The following CCR5AS variants were observed in gnomAD, a reference collection of about 807,000 sequenced individuals.
CCR5AS encodes the protein CCR5 antisense RNA.
At chr3:46,393,471 G>GAAAAAAAAAAAAAAA (rs1241092845) in intron 1 of CCR5AS, among the ~76,000 whole-genome samples, 1 of 115,062 alleles carries the variant, frequency 8.7e-6, no homozygotes, top group Non-Finnish European at 1.8e-5. Context: ...AAAAAAAAAA[G>GAAAAAAAAAAAAAAA]AAAAGAAAAG....
At chr3:46,369,256 T>A (rs1164619448) in intron 3 of CCR5AS, among the ~76,000 whole-genome samples, 1 of 152,148 alleles carries the variant, frequency 6.6e-6, no homozygotes, top group Non-Finnish European at 1.5e-5. Context: ...AATAATTTGG[T>A]CAGAGCCAAG....
intron 2 of CCR5AS, among the ~76,000 whole-genome samples, chr3:46,377,361 C>G (rs1701772134): frequency 6.6e-6 from 1 of 152,068 alleles, no homozygotes; most frequent in Non-Finnish European, 1.5e-5. Context: ...CTGTCTCCAC[C>G]CAGAGGTCTC....
intron 2 of CCR5AS, chr3:46,374,160 C>T (rs1701719729): frequency 2.4e-6 from 1 of 414,886 alleles, no homozygotes; most frequent in African/African-American, 2.1e-5. Context: ...TATAGAAAGC[C>T]AAATCAAAAT....
intron 3 of CCR5AS, among the ~76,000 whole-genome samples, chr3:46,367,353 A>T (rs1433748914): frequency 6.9e-6 from 1 of 144,948 alleles, no homozygotes; most frequent in Non-Finnish European, 1.5e-5. Flanking sequence ...TGTCTACACT[A>T]TAATCTTTAG....
chr3:46,392,535 T>C (rs1701922269), intron 2 of CCR5AS, among the ~76,000 whole-genome samples: 1 of 152,098 alleles, frequency 6.6e-6, no homozygotes, highest in African/African-American at 2.4e-5. Flanking sequence ...GTCCCAGCAA[T>C]TGACTTACCA....
intron 3 of CCR5AS, among the ~76,000 whole-genome samples, chr3:46,366,085 T>C (rs1040823812): frequency 4.6e-5 from 7 of 152,194 alleles, no homozygotes; most frequent in Non-Finnish European, 1.0e-4. Context: ...CTACAATCCA[T>C]TCATTATCCT....
chr3:46,394,010 T>G (rs1381852507), intron 1 of CCR5AS, among the ~76,000 whole-genome samples: 1 of 152,224 alleles, frequency 6.6e-6, no homozygotes, highest in Non-Finnish European at 1.5e-5. Flanking sequence ...GGATTCCTTT[T>G]CTGTTCAGTG....
At chr3:46,398,308 T>C (rs899013599) in intron 1 of CCR5AS, among the ~76,000 whole-genome samples, 3 of 152,090 alleles carry the variant, frequency 2.0e-5, no homozygotes, top group Admixed American at 6.5e-5. Flanking sequence ...CTTCAAGCCA[T>C]GAAAAGCTAC....
intron 2 of CCR5AS, among the ~76,000 whole-genome samples, chr3:46,384,760 G>T (rs1701843634): frequency 6.6e-6 from 1 of 152,128 alleles, no homozygotes; most frequent in African/African-American, 2.4e-5. Context: ...ATGTGCAGAG[G>T]TGAAATAAAG....
chr3:46,374,437 G>A (rs990172616), intron 2 of CCR5AS: 1 of 167,566 alleles, frequency 6.0e-6, no homozygotes, highest in East Asian at 1.9e-4. Context: ...ACATGAATAT[G>A]ATTAGTAAAG....
intron 2 of CCR5AS, chr3:46,373,504 T>G (rs1449411814): frequency 6.2e-7 from 1 of 1,613,112 alleles, no homozygotes; most frequent in Non-Finnish European, 8.5e-7. Flanking sequence ...ATAGTCATCT[T>G]GGGGCTGGTC....
chr3:46,394,963 G>A (rs1701947220), intron 1 of CCR5AS, among the ~76,000 whole-genome samples: 1 of 152,112 alleles, frequency 6.6e-6, no homozygotes, highest in Admixed American at 6.5e-5. Flanking sequence ...TTGAACTTCG[G>A]ATTGCCCCTG....
chr3:46,394,011 C>T (rs1701938337), intron 1 of CCR5AS, among the ~76,000 whole-genome samples: 1 of 152,232 alleles, frequency 6.6e-6, no homozygotes, highest in African/African-American at 2.4e-5. Flanking sequence ...GATTCCTTTT[C>T]TGTTCAGTGC....
At chr3:46,387,948 G>T (rs1332888373) in intron 2 of CCR5AS, among the ~76,000 whole-genome samples, 1 of 152,112 alleles carries the variant, frequency 6.6e-6, no homozygotes, top group East Asian at 1.9e-4. Flanking sequence ...ATGTCACAAG[G>T]TCAACTGATC....
chr3:46,388,051 GCTTCAGGCCAT>G (rs1701878156), intron 2 of CCR5AS, among the ~76,000 whole-genome samples: 1 of 152,186 alleles, frequency 6.6e-6, no homozygotes, highest in African/African-American at 2.4e-5. Flanking sequence ...TTCTTCAGTT[GCTTCAGGCCAT>G]CTGGATGTAT....
rs1382456016 is a variant in CCR5AS, at chr3:46,398,052, G to A, written n.164-5000C>T. On this transcript the variant is annotated intron_variant and non_coding_transcript_variant, in intron 1 of 3. Coordinates refer to ENST00000451485, the Ensembl canonical transcript of CCR5AS. ...TGTAAATCTAGCACTTGGGAAAAGGGGGACTAGAAGAAATTCACCCACAGG... is the reference window on the plus strand; with the variant it reads ...TGTAAATCTAGCACTTGGGAAAAGGAGGACTAGAAGAAATTCACCCACAGG... Among the ~76,000 whole-genome samples the A allele has an allele frequency of 2.0e-5, 3 of 152,270 alleles. No individual in the cohort carries two copies. The East Asian group carries it at 5.8e-4, about 29-fold the overall frequency.
intron 2 of CCR5AS, chr3:46,373,128 G>A (rs1701689319): frequency 1.2e-6 from 2 of 1,614,154 alleles, no homozygotes; most frequent in Non-Finnish European, 1.7e-6. Context: ...GGCCATCTCT[G>A]ACCTGTTTTT....
intron 1 of CCR5AS, among the ~76,000 whole-genome samples, chr3:46,395,778 C>A (rs1701956800): frequency 6.6e-6 from 1 of 150,566 alleles, no homozygotes; most frequent in Non-Finnish European, 1.5e-5. Flanking sequence ...GCCCCCAAGC[C>A]CTGGGCTCTC....
At chr3:46,387,713 C>T (rs1328550175) in intron 2 of CCR5AS, among the ~76,000 whole-genome samples, 1 of 152,180 alleles carries the variant, frequency 6.6e-6, no homozygotes, top group Non-Finnish European at 1.5e-5. Flanking sequence ...TAAGAGACCA[C>T]CAAACAGGCT....
Sources: gnomAD v4.1 joint callset for allele counts (sites outside exome capture counted in the v4.1 genomes callset) on GRCh38, gnomAD v4.1.1 for gene constraint, MANE v1.5 for transcripts, NCBI Gene and HGNC (gene_info 2026-07-23, HGNC 2026-07-21) for gene names.